Variants in BACH2 observed in about 807,000 individuals in gnomAD.
BACH2 encodes the protein BACH transcriptional regulator 2.
BACH2 carries 5 observed loss-of-function variants against 61.8 expected under a neutral mutation model. The observed-to-expected ratio is 0.08, with a 90% confidence interval of 0.04 to 0.17. BACH2 has a LOEUF of 0.17. Among genes scored for constraint, BACH2 ranks in the 10% least tolerant of loss-of-function variants. The pLI, the probability that BACH2 is intolerant of heterozygous loss-of-function variation, is 1.00. For missense variants in BACH2, 824 were observed against 1,091.1 expected (o/e 0.76, Z 3.45); for synonymous variants, 446 against 440.1 (o/e 1.01, Z -0.17).
In BACH2 at chr6:90,272,527, T is replaced by C. The variant is rs76060513; in HGVS notation, c.-445-586A>G. Among the ~76,000 whole-genome samples, 853 of 152,328 alleles carry C rather than the reference T, an allele frequency of 5.6e-3. 1 individual carries two copies. Among genetic ancestry groups the C allele is most frequent in the Middle Eastern group, 0.017 (5 of 294 alleles). On this transcript the variant is annotated intron_variant, in intron 1 of 8. Transcript: ENST00000257749. ...CCATTTTTCCTGCATATGGTATCTC[T>C]ACTGCATATGCTCTTCAAAAGCCTT...
chr6:90,216,057 C>A (rs910109536), intron 3 of BACH2, among the ~76,000 whole-genome samples: 1 of 152,278 alleles, frequency 6.6e-6, no homozygotes, highest in South Asian at 2.1e-4. Flanking sequence ...GCAACAAGGG[C>A]ACAACCACCT....
chr6:90,269,132 A>C (rs1771439087), intron 2 of BACH2, among the ~76,000 whole-genome samples: 1 of 152,198 alleles, frequency 6.6e-6, no homozygotes, highest in African/African-American at 2.4e-5. Context: ...GAAGATGCTA[A>C]TAGCAACAGA....
At chr6:90,163,420 A>G (rs903160680) in intron 4 of BACH2, among the ~76,000 whole-genome samples, 1 of 152,196 alleles carries the variant, frequency 6.6e-6, no homozygotes, top group Non-Finnish European at 1.5e-5. Flanking sequence ...TGCTTTAAGT[A>G]GAGTTATCCT....
At chr6:89,949,427 T>C (rs1323469504) in intron 7 of BACH2, among the ~76,000 whole-genome samples, 7 of 152,140 alleles carry the variant, frequency 4.6e-5, no homozygotes, top group African/African-American at 1.4e-4. Flanking sequence ...GTTCATGTTA[T>C]TGGGGAGGTG....
intron 4 of BACH2, among the ~76,000 whole-genome samples, chr6:90,145,961 T>A (rs1326472369): frequency 6.6e-6 from 1 of 152,230 alleles, no homozygotes; most frequent in African/African-American, 2.4e-5. Context: ...CACTTTATAT[T>A]TTCAACTGTG....
intron 4 of BACH2, among the ~76,000 whole-genome samples, chr6:90,198,222 T>G (rs191833520): frequency 6.6e-6 from 1 of 152,326 alleles, no homozygotes; most frequent in African/African-American, 2.4e-5. Context: ...CTCAGGCTTG[T>G]ACCCATGGCT....
chr6:90,193,997 C>A (rs1768665479), intron 4 of BACH2, among the ~76,000 whole-genome samples: 1 of 152,078 alleles, frequency 6.6e-6, no homozygotes, highest in African/African-American at 2.4e-5. Flanking sequence ...AGTAGAATTT[C>A]CTCAAGAATA....
intron 4 of BACH2, among the ~76,000 whole-genome samples, chr6:90,199,028 ACTC>A (rs1768864179): frequency 6.6e-6 from 1 of 151,572 alleles, no homozygotes; most frequent in Non-Finnish European, 1.5e-5. Context: ...CTTTGACTTC[ACTC>A]CTCCTCACCT....
At chr6:90,291,452 A>C (rs998865772) in intron 1 of BACH2, among the ~76,000 whole-genome samples, 6 of 151,766 alleles carry the variant, frequency 4.0e-5, no homozygotes, top group African/African-American at 1.5e-4. Context: ...GCTGAGTAGC[A>C]TGCTGATAGT....
At chr6:89,964,925 A>T (rs1348849003) in intron 6 of BACH2, among the ~76,000 whole-genome samples, 1 of 151,914 alleles carries the variant, frequency 6.6e-6, no homozygotes, top group Non-Finnish European at 1.5e-5. Context: ...TCACTCTGTC[A>T]CCCAGGCTGC....
chr6:90,260,816 T>C (rs1309573070), intron 2 of BACH2, among the ~76,000 whole-genome samples: 5 of 151,992 alleles, frequency 3.3e-5, no homozygotes, highest in Non-Finnish European at 5.9e-5. Flanking sequence ...CCTATGGACA[T>C]GGAGAGGAAA....
chr6:90,138,053 AACACACACACACACAC>A (rs10602894), intron 4 of BACH2, among the ~76,000 whole-genome samples: 7 of 143,564 alleles, frequency 4.9e-5, no homozygotes, highest in African/African-American at 1.3e-4. Flanking sequence ...CTAATCATAA[AACACACACACACACAC>A]ACACACACAC....
chr6:90,205,990 G>A (rs569206738), intron 4 of BACH2, among the ~76,000 whole-genome samples: 2 of 152,246 alleles, frequency 1.3e-5, no homozygotes, highest in Admixed American at 6.5e-5. Context: ...TGGAAAAGAT[G>A]CACCTTACAC....
intron 5 of BACH2, among the ~76,000 whole-genome samples, chr6:90,028,067 T>C (rs1359492814): frequency 7.9e-5 from 12 of 152,214 alleles, no homozygotes; most frequent in African/African-American, 1.7e-4. Context: ...TAGGTGTGCA[T>C]TCTGGTACTT....
chr6:90,022,394 G>C (rs964805195), intron 5 of BACH2, among the ~76,000 whole-genome samples: 28 of 152,292 alleles, frequency 1.8e-4, no homozygotes, highest in Admixed American at 6.5e-5. Context: ...GACCAGCCTG[G>C]TCAACATGGT....
In BACH2 at chr6:90,117,461, G is replaced by C. The variant is rs866111334; in HGVS notation, c.-161-28352C>G. Among the ~76,000 whole-genome samples the C allele has an allele frequency of 4.3e-5, 5 of 115,100 alleles. No homozygotes were observed. The South Asian group carries it at 1.5e-3, about 34-fold the overall frequency. 75.5% of individuals were successfully genotyped at this position (115,100 alleles called of 152,430 possible). ...TCATTTACTTCTTTACTGTTAGCTT[G>C]ACTTTTTTTTTTTTTTGTAATTCTA... is the stretch of plus-strand genomic sequence containing the variant. On this transcript the variant is annotated intron_variant, in intron 4 of 8. Transcript: ENST00000257749.
rs1331466499 is a variant in BACH2 at position 90,008,912 on chromosome 6, T to C, written c.-12-56A>G. 3.2e-6 allele frequency: 5 copies of C among 1,584,014 alleles called. No homozygotes were observed. Among genetic ancestry groups the C allele is most frequent in the Non-Finnish European group, 2.6e-6 (3 of 1,164,200 alleles). On this transcript the variant is annotated intron_variant, in intron 5 of 8. Transcript: ENST00000257749. The surrounding 1 kb of genome is among the most constrained non-coding windows in gnomAD (Gnocchi z 4.1). ...GAAAGAAAGGCTGAGTCACCACAGCTGTAGGATCAGAGAGAGGAGGTGAGA... is the reference window on the plus strand; with the variant it reads ...GAAAGAAAGGCTGAGTCACCACAGCCGTAGGATCAGAGAGAGGAGGTGAGA...
At chr6:89,938,913 C>G (rs1773201379) in intron 7 of BACH2, among the ~76,000 whole-genome samples, 1 of 152,164 alleles carries the variant, frequency 6.6e-6, no homozygotes, top group South Asian at 2.1e-4. Context: ...ATCCTTCTCA[C>G]CAGACATGAG....
At chr6:90,237,744 C>T (rs775289010) in intron 3 of BACH2, among the ~76,000 whole-genome samples, 15 of 152,180 alleles carry the variant, frequency 9.9e-5, no homozygotes, top group Non-Finnish European at 2.1e-4. Context: ...TAAGTTGTGA[C>T]TTTCATTGTA....
Sources: allele counts gnomAD v4.1 joint callset (sites outside exome capture counted in the v4.1 genomes callset), GRCh38; gene constraint gnomAD v4.1.1; non-coding constraint Gnocchi (gnomAD v3.1); transcripts MANE v1.5; gene names NCBI Gene and HGNC (gene_info 2026-07-23, HGNC 2026-07-21).